The following THRB variants were observed in gnomAD, a reference collection of about 807,000 sequenced individuals.
The protein encoded by THRB is thyroid hormone receptor beta.
In THRB, 12 loss-of-function variants were observed where a neutral mutation model predicts 47.8. That is an observed-to-expected ratio of 0.25 (90% CI 0.16 to 0.41). THRB has a LOEUF of 0.41. Among genes scored for constraint, THRB ranks in the 10% least tolerant of loss-of-function variants. The pLI is 1.00. For missense variants in THRB, 348 were observed against 589.2 expected (o/e 0.59, Z 4.24); for synonymous variants, 218 against 212.2 (o/e 1.03, Z -0.24).
rs530801894 is a variant in THRB, at chr3:24,121,130, C to A, written c.*1754G>T. 16 of 150,832 alleles carry A rather than the reference C, an allele frequency of 1.1e-4. No individual in the cohort carries two copies. The highest frequency in any genetic ancestry group is 3.7e-4 in the African/African-American group (15 of 40,378). 9.3% of individuals were successfully genotyped at this position (150,832 alleles called of 1,614,324 possible). On this transcript the variant is annotated 3_prime_UTR_variant, in exon 11 of 11. Coordinates refer to ENST00000646209, the MANE Select transcript of THRB (RefSeq NM_001354712.2). ...GTTAAAAAAAAATAATTAAAGGAAC[C>A]AGATTTTTTTTTTCCCCTTGAAATT...
intron 10 of THRB, 51 bp downstream of exon 10, chr3:24,127,448 A>C (rs1316550128): frequency 1.2e-6 from 2 of 1,605,360 alleles, no homozygotes; most frequent in East Asian, 4.5e-5. Context: ...AATTAGCGCT[A>C]GACAAGCAAA....
At chr3:24,472,485 A>G (rs752118113) in intron 1 of THRB, among the ~76,000 whole-genome samples, 7 of 152,188 alleles carry the variant, frequency 4.6e-5, no homozygotes, top group Non-Finnish European at 7.3e-5. Flanking sequence ...ACCCCTAAAA[A>G]GGAATGTCAA....
intron 3 of THRB, among the ~76,000 whole-genome samples, chr3:24,244,410 C>T (rs1357412322): frequency 6.6e-6 from 1 of 152,074 alleles, no homozygotes; most frequent in Admixed American, 6.6e-5. Flanking sequence ...TGAGAGAGAA[C>T]CTTCCTTATC....
chr3:24,136,199 C>A (rs2034653527), intron 8 of THRB, among the ~76,000 whole-genome samples: 1 of 152,092 alleles, frequency 6.6e-6, no homozygotes, highest in Non-Finnish European at 1.5e-5. Context: ...AACAAGCTCA[C>A]AAGTTTTCTG....
chr3:24,324,572 C>T (rs943551726), intron 2 of THRB, among the ~76,000 whole-genome samples: 1 of 152,186 alleles, frequency 6.6e-6, no homozygotes, highest in South Asian at 2.1e-4. Flanking sequence ...AATATACATA[C>T]AGAAAACTGC....
At chr3:24,214,393 C>T (rs954174853) in intron 4 of THRB, among the ~76,000 whole-genome samples, 1 of 152,198 alleles carries the variant, frequency 6.6e-6, no homozygotes, top group Non-Finnish European at 1.5e-5. Flanking sequence ...AATAAAACAG[C>T]TTCCTGGAAA....
intron 3 of THRB, among the ~76,000 whole-genome samples, chr3:24,262,970 T>C (rs1183488536): frequency 1.3e-5 from 2 of 152,202 alleles, no homozygotes; most frequent in African/African-American, 4.8e-5. Context: ...TTTCATCCAG[T>C]TTAGGTGGCT....
chr3:24,357,049 C>A (rs1052065201), intron 1 of THRB, among the ~76,000 whole-genome samples: 1 of 150,358 alleles, frequency 6.7e-6, no homozygotes, highest in African/African-American at 2.4e-5. Context: ...TGACCTATGG[C>A]CAATAATTTA....
At chr3:24,418,440 T>C (rs905635096) in intron 1 of THRB, among the ~76,000 whole-genome samples, 1 of 152,042 alleles carries the variant, frequency 6.6e-6, no homozygotes, top group African/African-American at 2.4e-5. Flanking sequence ...ATTTGTATTT[T>C]ACAAACCCCT....
At chr3:24,361,987 T>C (rs192040342) in intron 1 of THRB, among the ~76,000 whole-genome samples, 3 of 152,172 alleles carry the variant, frequency 2.0e-5, no homozygotes, top group African/African-American at 7.2e-5. Context: ...TAAATACCAC[T>C]AGTAATATTG....
chr3:24,196,948 C>T (rs1236708532), intron 4 of THRB, among the ~76,000 whole-genome samples: 1 of 152,210 alleles, frequency 6.6e-6, no homozygotes, highest in East Asian at 1.9e-4. Context: ...ATCCATCCAC[C>T]CTCCAAACTT....
At chr3:24,484,243 G>C (rs189142827) in intron 1 of THRB, 2 of 152,142 alleles carry the variant, frequency 1.3e-5, no homozygotes, top group East Asian at 3.9e-4. Flanking sequence ...TATCTGGCAA[G>C]AAAAAGAAAA....
At chr3:24,481,593 TATAG>T (rs977148122) in intron 1 of THRB, among the ~76,000 whole-genome samples, 50 of 152,112 alleles carry the variant, frequency 3.3e-4, no homozygotes, top group African/African-American at 1.1e-3. Flanking sequence ...AGTGAAGAAA[TATAG>T]ATATATAGCA....
intron 1 of THRB, among the ~76,000 whole-genome samples, chr3:24,416,797 G>A (rs906643494): frequency 6.6e-6 from 1 of 151,938 alleles, no homozygotes; most frequent in South Asian, 2.1e-4. Context: ...CAGACTCACA[G>A]AATCAATCTC....
At chr3:24,249,760 T>C (rs1464273072) in intron 3 of THRB, among the ~76,000 whole-genome samples, 1 of 152,172 alleles carries the variant, frequency 6.6e-6, no homozygotes, top group African/African-American at 2.4e-5. Context: ...AGGAGTGGCA[T>C]GTTTGGACAG....
chr3:24,393,498 G>T (rs1175760731), intron 1 of THRB, among the ~76,000 whole-genome samples: 2 of 152,052 alleles, frequency 1.3e-5, no homozygotes, highest in Non-Finnish European at 2.9e-5. Context: ...AAGTTCTAGG[G>T]GCACCTGGGA....
At chr3:24,307,076 GTTAC>G (rs2057398129) in intron 2 of THRB, among the ~76,000 whole-genome samples, 1 of 151,600 alleles carries the variant, frequency 6.6e-6, no homozygotes, top group Admixed American at 6.6e-5. Flanking sequence ...AAATATTAAT[GTTAC>G]TTTCTTACTT....
At chr3:24,192,514 A>G (rs1483627343) in intron 4 of THRB, among the ~76,000 whole-genome samples, 6 of 152,188 alleles carry the variant, frequency 3.9e-5, no homozygotes, top group Non-Finnish European at 8.8e-5. Flanking sequence ...GAAAATTCCT[A>G]AAATTTGGTA....
intron 2 of THRB, among the ~76,000 whole-genome samples, chr3:24,333,199 T>C (rs929662022): frequency 1.3e-5 from 2 of 152,186 alleles, no homozygotes; most frequent in Non-Finnish European, 2.9e-5. Context: ...AAATGCATAC[T>C]GTTTAAAAAA....
Sources: gnomAD v4.1 joint callset for allele counts (sites outside exome capture counted in the v4.1 genomes callset) on GRCh38, gnomAD v4.1.1 for gene constraint, MANE v1.5 for transcripts, NCBI Gene and HGNC (gene_info 2026-07-23, HGNC 2026-07-21) for gene names.